CFAP54: variants seen among roughly 807,000 people sequenced by gnomAD.
CFAP54 encodes the protein cilia and flagella associated protein 54, also known as cilia- and flagella-associated protein 54.
In CFAP54, 290 loss-of-function variants were observed where a neutral mutation model predicts 370.4. The ratio of observed to expected loss-of-function variants is 0.78; its 90% CI spans 0.71 to 0.86. CFAP54 has a LOEUF of 0.86. Among genes scored for constraint, CFAP54 ranks in the 40% least tolerant of loss-of-function variants. CFAP54 has a pLI of 0.00. For missense variants in CFAP54, 3,399 were observed against 3,528.7 expected, an observed-to-expected ratio of 0.96 and a Z score of 0.93; for synonymous variants, 1,206 against 1,236.5, an observed-to-expected ratio of 0.98 and a Z score of 0.52.
At chr12:96,587,640 C>T (rs564114315) in intron 22 of CFAP54, among the ~76,000 whole-genome samples, 68 of 152,160 alleles carry the variant, frequency 4.5e-4, no homozygotes, top group African/African-American at 1.5e-3. Flanking sequence ...TCCTGTTTTG[C>T]AATGTTAACT....
Position 96,564,584 on chromosome 12 carries a change from C to A in CFAP54, c.2497+30C>A, listed in dbSNP as rs1955846769. 6 of 667,228 alleles carry A rather than the reference C, an allele frequency of 9.0e-6. 1 individual carries two copies. Among genetic ancestry groups the A allele is most frequent in the South Asian group, 3.4e-5 (2 of 58,740 alleles). 41.3% of individuals were successfully genotyped at this position (667,228 alleles called of 1,614,324 possible). ...TTAAAATTGGGATAACTGGTATTTC[C>A]AAAAAATTTGGAAGATAGTTTTTAA... is the stretch of plus-strand genomic sequence containing the variant. On this transcript the variant is annotated intron_variant, in intron 18 of 67. Coordinates refer to ENST00000524981, the MANE Select transcript of CFAP54 (RefSeq NM_001306084.2).
At position 96,663,930 on chromosome 12, in the gene CFAP54, C is replaced by T. The variant is rs769529405; in HGVS notation, c.5561C>T (p.Ser1854Leu). The change falls in exon 39 of 68, where the codon TCA (serine) becomes TTA (leucine). Residue 1854 changes from serine (S) to leucine (L), a missense_variant and splice_region_variant. This residue lies in a region of CFAP54 where 2,796 missense variants were observed against 2,869.7 expected (regional missense o/e 0.97). Transcript: ENST00000524981. ...GATTTGCTAAAAATGCTTATCTCTT[C>T]AGGTCAGAACCAATCTTAGCTTGAA... ...CTDLLKMLIS[S>L]EYSRAKALVC... 6 of 1,605,036 alleles carry T rather than the reference C, an allele frequency of 3.7e-6. No individual in the cohort carries two copies. In the Admixed American group the frequency reaches 1.0e-4, roughly 27 times the overall value.
chr12:96,738,473 C>G lies in CFAP54; in HGVS notation c.6966-1483C>G, dbSNP rs190360495. 2.7e-3 allele frequency among the ~76,000 whole-genome samples: 415 copies of G among 152,248 alleles called. 1 individual carries two copies. The highest frequency in any genetic ancestry group is 9.4e-3 in the African/African-American group (390 of 41,532). Reference sequence around the variant, plus strand: ...TCTAGGGGAGAATCCTTCCTTGCCTCTTCCGGCTTCTGGCATTTGCTGGCG... The same window carrying G: ...TCTAGGGGAGAATCCTTCCTTGCCTGTTCCGGCTTCTGGCATTTGCTGGCG... On this transcript the variant is annotated intron_variant, in intron 50 of 67. Transcript: ENST00000524981.
intron 63 of CFAP54, among the ~76,000 whole-genome samples, chr12:96,805,110 A>C (rs1271753238): frequency 6.6e-6 from 1 of 152,130 alleles, no homozygotes; most frequent in Non-Finnish European, 1.5e-5. Context: ...TAATGACCTA[A>C]ACATAAGACC....
chr12:96,824,142 G>T (rs918686668), intron 65 of CFAP54, among the ~76,000 whole-genome samples: 2 of 152,164 alleles, frequency 1.3e-5, no homozygotes, highest in Non-Finnish European at 2.9e-5. Context: ...GCTAGCTGCA[G>T]CATGCGTGCA....
intron 35 of CFAP54, among the ~76,000 whole-genome samples, chr12:96,650,313 C>T (rs1187207226): frequency 6.6e-6 from 1 of 152,078 alleles, no homozygotes; most frequent in African/African-American, 2.4e-5. Flanking sequence ...GCCAGCCATC[C>T]ACCCAGAGCC....
At chr12:96,539,508 C>T (rs1955547590) in intron 13 of CFAP54, among the ~76,000 whole-genome samples, 1 of 151,744 alleles carries the variant, frequency 6.6e-6, no homozygotes. Context: ...AACCCCGTCT[C>T]TACTAAAAAT....
chr12:96,580,063 T>A (rs1956016903), intron 20 of CFAP54, among the ~76,000 whole-genome samples: 1 of 151,706 alleles, frequency 6.6e-6, no homozygotes, highest in Non-Finnish European at 1.5e-5. Flanking sequence ...TGTATTTTTA[T>A]ATTTTATTTA....
intron 48 of CFAP54, among the ~76,000 whole-genome samples, chr12:96,718,038 C>T (rs1592723238): frequency 1.3e-5 from 2 of 151,936 alleles, no homozygotes; most frequent in South Asian, 4.2e-4. Context: ...GGATAGTTTT[C>T]CTGTGAATGA....
intron 65 of CFAP54, among the ~76,000 whole-genome samples, chr12:96,824,957 G>A (rs917206033): frequency 6.6e-6 from 1 of 151,662 alleles, no homozygotes; most frequent in Non-Finnish European, 1.5e-5. Flanking sequence ...ATACACACCT[G>A]CAATGAGGAT....
In CFAP54 at chr12:96,629,183, G is replaced by A. The variant is rs1818217247; in HGVS notation, c.4104-910G>A. ...CCATCGTTACTTTATTTTCAATCCA[G>A]TTCTGTTCCATGTACATCATGCCTT... On this transcript the variant is annotated intron_variant, in intron 30 of 67. Coordinates refer to ENST00000524981, the MANE Select transcript of CFAP54 (RefSeq NM_001306084.2). Among the ~76,000 whole-genome samples the A allele has an allele frequency of 2.0e-5, 3 of 152,222 alleles. No individual in the cohort carries two copies. The South Asian group carries it at 6.2e-4, about 32-fold the overall frequency.
intron 50 of CFAP54, among the ~76,000 whole-genome samples, chr12:96,722,178 T>C (rs975597556): frequency 6.6e-6 from 1 of 152,180 alleles, no homozygotes; most frequent in African/African-American, 2.4e-5. Flanking sequence ...TTTCCTTACT[T>C]TCTCCATACA....
rs1489184333 is a variant in CFAP54 at position 96,664,817 on chromosome 12, A to C, written c.5563+885A>C. Among the ~76,000 whole-genome samples, 402 of 129,528 alleles carry C rather than the reference A, an allele frequency of 3.1e-3. 12 individuals are homozygous for C. Among genetic ancestry groups the C allele is most frequent in the African/African-American group, 0.01 (341 of 33,846 alleles). 85.0% of individuals were successfully genotyped at this position (129,528 alleles called of 152,430 possible). ...TATATATATATATATATATATAGATATATATATGTATATCCCATAATGGGA... is the reference window on the plus strand; with the variant it reads ...TATATATATATATATATATATAGATCTATATATGTATATCCCATAATGGGA... On this transcript the variant is annotated intron_variant, in intron 39 of 67. Coordinates refer to ENST00000524981, the MANE Select transcript of CFAP54 (RefSeq NM_001306084.2).
chr12:96,741,343 T>G (rs936746286), intron 51 of CFAP54, among the ~76,000 whole-genome samples: 8 of 152,114 alleles, frequency 5.3e-5, no homozygotes, highest in African/African-American at 1.7e-4. Flanking sequence ...ATTTTTGTAT[T>G]TTTAGTAGAG....
intron 53 of CFAP54, 47 bp from the exon 54 acceptor site, chr12:96,743,684 G>T: frequency 6.4e-7 from 1 of 1,550,914 alleles, no homozygotes; most frequent in South Asian, 1.2e-5. Flanking sequence ...TCTTGTTTCA[G>T]TGAATTGGAA....
chr12:96,657,696 C>A (rs916238172), intron 36 of CFAP54, among the ~76,000 whole-genome samples, 186 bp from the exon 37 acceptor site: 3 of 152,224 alleles, frequency 2.0e-5, no homozygotes, highest in African/African-American at 4.8e-5. Flanking sequence ...ACGTTTCCAT[C>A]ATCACAGCAA....
intron 60 of CFAP54, among the ~76,000 whole-genome samples, chr12:96,767,876 C>T (rs1282168064): frequency 6.6e-6 from 1 of 152,154 alleles, no homozygotes; most frequent in African/African-American, 2.4e-5. Context: ...TGATGAACAA[C>T]ATTTACTGTT....
At chr12:96,500,073 G>A (rs1311817787) in intron 1 of CFAP54, among the ~76,000 whole-genome samples, 1 of 152,188 alleles carries the variant, frequency 6.6e-6, no homozygotes, top group African/African-American at 2.4e-5. Context: ...GCATGTGCGT[G>A]GATAAATAAA....
intron 3 of CFAP54, among the ~76,000 whole-genome samples, chr12:96,506,190 G>A (rs191652582): frequency 0.12 from 18,207 of 151,764 alleles, 1,172 homozygotes; most frequent in Middle Eastern, 0.19. Flanking sequence ...ATACAAAAAA[G>A]TAACCAGGCG....
Sources: gnomAD v4.1 joint callset for allele counts (sites outside exome capture counted in the v4.1 genomes callset) on GRCh38, gnomAD v4.1.1 for gene constraint, gnomAD v4.1.1 regional missense constraint, MANE v1.5 for transcripts, NCBI Gene and HGNC (gene_info 2026-07-23, HGNC 2026-07-21) for gene names.